PLEC: variants seen among roughly 807,000 people sequenced by gnomAD.
The protein encoded by PLEC is hemidesmosomal protein 1.
A neutral mutation model predicts 392.8 loss-of-function variants in PLEC; 216 were observed. That is an observed-to-expected ratio of 0.55 (90% CI 0.49 to 0.62). PLEC has a LOEUF of 0.62. Ranked by LOEUF, PLEC falls within the 20% of genes least tolerant of loss-of-function variation. The pLI is 0.00. For missense variants in PLEC, 6,863 were observed against 6,563.4 expected, an observed-to-expected ratio of 1.05 and a Z score of -1.58; for synonymous variants, 3,621 against 2,980.6, an observed-to-expected ratio of 1.21 and a Z score of -7.00.
chr8:143,930,599 C>A, intron 19 of PLEC, 63 bp from the exon 20 acceptor site: 1 of 1,530,730 alleles, frequency 6.5e-7, no homozygotes, highest in Non-Finnish European at 8.8e-7. Flanking sequence ...CCCCAGGCAC[C>A]CCCAGACCCC....
At position 143,921,464 on chromosome 8, in the gene PLEC, A is replaced by C; in HGVS notation, c.8357T>G (p.Ile2786Ser). The change falls in exon 32 of 32, where the codon ATC (isoleucine) becomes AGC (serine). Residue 2786 changes from isoleucine (I) to serine (S), a missense_variant. Transcript: ENST00000345136. ...CTTCTGCATGGCTTGGAAGAGAGAGATCTGCTGGCCAGTGTAGGGGTCCTT... is the reference window on the plus strand; with the variant it reads ...CTTCTGCATGGCTTGGAAGAGAGAGCTCTGCTGGCCAGTGTAGGGGTCCTT... ...GYKDPYTGQQISLFQAMQKGL... is the reference protein window; with the variant it reads ...GYKDPYTGQQSSLFQAMQKGL... 3 of 1,613,224 alleles carry C rather than the reference A, an allele frequency of 1.9e-6. No individual in the cohort carries two copies. Among genetic ancestry groups the C allele is most frequent in the Non-Finnish European group, 2.5e-6 (3 of 1,179,814 alleles).
chr8:143,927,576 A>C lies in PLEC; in HGVS notation c.3590T>G (p.Val1197Gly), dbSNP rs1205506786. 6.3e-7 allele frequency: 1 copy of C among 1,590,394 alleles called. No individual in the cohort carries two copies. Among genetic ancestry groups the C allele is most frequent in the African/African-American group, 1.3e-5 (1 of 74,648 alleles). The change falls in exon 27 of 32, where the codon GTG becomes GGG. Residue 1197 changes from valine (V) to glycine (G), a missense_variant. Coordinates refer to ENST00000345136, the MANE Select transcript of PLEC (RefSeq NM_201384.3). ...RWQAVLAQTDVRQRELEQLGR... is the reference protein window; with the variant it reads ...RWQAVLAQTDGRQRELEQLGR... ...CAGTTGCTCGAGCTCGCGCTGCCGC[A>C]CGTCGGTCTGGGCCAGCACAGCCTG...
In PLEC at chr8:143,939,410, T is replaced by C. The variant is rs1554726678; in HGVS notation, c.52A>G (p.Arg18Gly). 2 of 1,612,712 alleles carry C rather than the reference T, an allele frequency of 1.2e-6. No individual in the cohort carries two copies. The highest frequency in any genetic ancestry group is 1.1e-5 in the South Asian group (1 of 91,020). The change falls in exon 1 of 32, where the codon AGA (arginine) becomes GGA (glycine). Residue 18 changes from arginine (R) to glycine (G), a missense_variant. By Grantham distance (125) the Arg-to-Gly change is moderately radical. Coordinates refer to ENST00000345136, the MANE Select transcript of PLEC (RefSeq NM_201384.3). ...VPQPEGLGRK[R>G]TSSEDNLYLA... Reference sequence around the variant, plus strand: ...TACAGGTTGTCCTCCGAGCTGGTTCTCTTTCGGCCCAGGCCCTCGGGCTGC... The same window carrying C: ...TACAGGTTGTCCTCCGAGCTGGTTCCCTTTCGGCCCAGGCCCTCGGGCTGC...
At position 143,923,799 on chromosome 8, in the gene PLEC, G is replaced by A; in HGVS notation, c.6130C>T (p.Gln2044Ter). 1.3e-6 allele frequency: 2 copies of A among 1,579,016 alleles called. No individual in the cohort carries two copies. Among genetic ancestry groups the A allele is most frequent in the Non-Finnish European group, 1.7e-6 (2 of 1,170,602 alleles). The change falls in exon 31 of 32, where the codon CAG becomes TAG. Residue 2044 changes from glutamine (Q) to a stop codon, truncating the protein, a stop_gained. Coordinates refer to ENST00000345136, the MANE Select transcript of PLEC (RefSeq NM_201384.3). LOFTEE classifies it high-confidence loss of function. Reference protein sequence around the residue: ...RQLQLAQEAAQKRLQAEEKAH... With the variant: ...RQLQLAQEAA ...TTCTCTTCCGCCTGCAGCCGCTTCT[G>A]GGCGGCCTCCTGGGCCAGCTGCAGC...
chr8:143,949,993 G>T (rs1482209794), intron 1 of PLEC, among the ~76,000 whole-genome samples: 1 of 152,210 alleles, frequency 6.6e-6, no homozygotes, highest in Non-Finnish European at 1.5e-5. Flanking sequence ...AGCCGAGGAG[G>T]AGGGGCCACA....
At chr8:143,963,539 C>T (rs572021981) in intron 1 of PLEC, among the ~76,000 whole-genome samples, 1 of 152,174 alleles carries the variant, frequency 6.6e-6, no homozygotes, top group African/African-American at 2.4e-5. Flanking sequence ...AGTTTGGAGG[C>T]ATAAAACTTG....
upstream of PLEC, among the ~76,000 whole-genome samples, chr8:143,952,220 ACGCACG>A (rs1554737432): frequency 7.4e-4 from 103 of 139,890 alleles, no homozygotes; most frequent in East Asian, 1.8e-3. Flanking sequence ...GCGCGCACAC[ACGCACG>A]CGCACGCGCA....
chr8:143,924,720 C>G lies in PLEC; in HGVS notation c.5209G>C (p.Ala1737Pro), dbSNP rs1554698775. 1 of 1,534,496 alleles carries G rather than the reference C, an allele frequency of 6.5e-7. No homozygotes were observed. ...GCAGCCGCCTCACGCTGCAGCCGGG[C>G]CAGCTCCTCCTCCAGCAGCTGCCGC... ...QQRQLLEEEL[A>P]RLQREAAAAT... The change falls in exon 31 of 32, where the codon GCC (alanine) becomes CCC (proline). Residue 1737 changes from alanine to proline, a missense_variant. Coordinates refer to ENST00000345136, the MANE Select transcript of PLEC (RefSeq NM_201384.3).
rs782812912 is a variant in PLEC at position 143,922,956 on chromosome 8, G to A, written c.6973C>T (p.Leu2325Phe). The change falls in exon 31 of 32, where the codon CTC (leucine) becomes TTC (phenylalanine). Residue 2325 changes from leucine to phenylalanine, a missense_variant. Coordinates refer to ENST00000345136, the MANE Select transcript of PLEC (RefSeq NM_201384.3). ...KMQAVQEATR[L>F]KAEAELLQQQ... ...TGCAGCAGTTCCGCCTCAGCCTTGAGTCGCGTGGCCTCCTGCACCGCCTGC... is the reference window on the plus strand; with the variant it reads ...TGCAGCAGTTCCGCCTCAGCCTTGAATCGCGTGGCCTCCTGCACCGCCTGC... 7 of 1,609,830 alleles carry A rather than the reference G, an allele frequency of 4.3e-6. No individual in the cohort carries two copies. Among genetic ancestry groups the A allele is most frequent in the Admixed American group, 1.7e-5 (1 of 59,672 alleles).
rs782133425 is a variant in PLEC at position 143,934,452 on chromosome 8, A to G, written c.1042-7T>C. ...GGCCTGCTTGCACCGCTCCCTGTAG[A>G]CAGGGGCCACACTCAGGCCCTATAG... On this transcript the variant is annotated splice_polypyrimidine_tract_variant and splice_region_variant and intron_variant, in intron 10 of 31. Coordinates refer to ENST00000345136, the MANE Select transcript of PLEC (RefSeq NM_201384.3). 6.2e-7 allele frequency: 1 copy of G among 1,610,824 alleles called. No individual in the cohort carries two copies.
chr8:143,974,579 G>A (rs1431556489), upstream of PLEC, among the ~76,000 whole-genome samples: 1 of 152,154 alleles, frequency 6.6e-6, no homozygotes, highest in Non-Finnish European at 1.5e-5. The surrounding 1 kb of genome is among the most constrained non-coding windows in gnomAD (Gnocchi z 5.9). Context: ...CTGGCCTCCC[G>A]CAGGGGCCTC....
At chr8:143,936,114 G>C in intron 5 of PLEC, 100 bp from the exon 6 acceptor site, 1 of 1,382,416 alleles carries the variant, frequency 7.2e-7, no homozygotes, top group Non-Finnish European at 1.0e-6. Context: ...TCAGCACCCA[G>C]GGGGAGTGCA....
rs782384162 is a variant in PLEC, at chr8:143,921,911, G to A, written c.7910C>T (p.Ala2637Val). Residue 2637 changes from alanine (A) to valine (V), a missense_variant, in exon 32 of 32, where the codon GCG becomes GTG. By Grantham distance (64) the Ala-to-Val change is moderately conservative. Coordinates refer to ENST00000345136, the MANE Select transcript of PLEC (RefSeq NM_201384.3). ...PNGRDALDGP[A>V]AEAEPEHSFD... ...GCTGTGCTCCGGCTCTGCCTCTGCC[G>A]CGGGGCCATCAAGTGCATCCCGGCC... is the stretch of plus-strand genomic sequence containing the variant. 85 of 1,599,742 alleles carry A rather than the reference G, an allele frequency of 5.3e-5. No homozygotes were observed. Among genetic ancestry groups the A allele is most frequent in the African/African-American group, 9.3e-5 (7 of 74,918 alleles).
rs782071585 is a variant in PLEC at position 143,916,935 on chromosome 8, C to T, written c.12886G>A (p.Glu4296Lys). 56 of 1,612,724 alleles carry T rather than the reference C, an allele frequency of 3.5e-5. No individual in the cohort carries two copies. Among genetic ancestry groups the T allele is most frequent in the Admixed American group, 1.3e-4 (8 of 59,998 alleles). The change falls in exon 32 of 32, where the codon GAG becomes AAG. Residue 4296 changes from glutamate to lysine, a missense_variant. Physicochemically the swap from Glu to Lys is moderately conservative, Grantham distance 56. Coordinates refer to ENST00000345136, the MANE Select transcript of PLEC (RefSeq NM_201384.3). Reference protein sequence around the residue: ...TETLEKVSITEAMHRNLVDNI... With the variant: ...TETLEKVSITKAMHRNLVDNI... ...TCCACCAGGTTCCGGTGCATGGCCT[C>T]GGTGATGGACACCTTCTCCAGCGTC...
In PLEC at chr8:143,921,271, G is replaced by C; in HGVS notation, c.8550C>G (p.Thr2850=). ...NRVLADPSDD[T]KGFFDPNTHE... is the part of the protein sequence containing the mutation. ...GCGTGTTGGGGTCAAAGAAGCCCTTGGTGTCGTCGCTGGGGTCCGCCAGGA... is the reference window on the plus strand; with the variant it reads ...GCGTGTTGGGGTCAAAGAAGCCCTTCGTGTCGTCGCTGGGGTCCGCCAGGA... The change falls in exon 32 of 32, where the codon ACC becomes ACG. Residue 2850 remains threonine (T), a synonymous_variant. Transcript: ENST00000345136. 1 of 1,614,120 alleles carries C rather than the reference G, an allele frequency of 6.2e-7. No individual in the cohort carries two copies. The highest frequency in any genetic ancestry group is 8.5e-7 in the Non-Finnish European group (1 of 1,180,050).
upstream of PLEC, among the ~76,000 whole-genome samples, chr8:143,975,615 C>T (rs1255786985): frequency 2.6e-5 from 4 of 151,678 alleles, no homozygotes; most frequent in African/African-American, 9.7e-5. The surrounding 1 kb of genome is among the most constrained non-coding windows in gnomAD (Gnocchi z 9.9). Context: ...CTCCCGCGCA[C>T]TCCTCAGATA....
chr8:143,944,044 GC>G, upstream of PLEC: 1 of 1,168,012 alleles, frequency 8.6e-7, no homozygotes, highest in Non-Finnish European at 1.2e-6. Context: ...CGCGGCGGCA[GC>G]CCCACAACAG....
At chr8:143,943,309 G>A (rs559509153), upstream of PLEC, among the ~76,000 whole-genome samples, 188 of 152,358 alleles carry the variant, frequency 1.2e-3, no homozygotes, top group African/African-American at 3.8e-3. Flanking sequence ...CCCAGGAGCT[G>A]GTGACTTTGA....
chr8:143,943,111 T>G (rs570610273), upstream of PLEC, among the ~76,000 whole-genome samples: 453 of 152,248 alleles, frequency 3.0e-3, 2 homozygotes, highest in African/African-American at 0.01. Flanking sequence ...AGCCCCATCT[T>G]GACTCATCTC....
Sources: allele counts gnomAD v4.1 joint callset (sites outside exome capture counted in the v4.1 genomes callset), GRCh38; gene constraint gnomAD v4.1.1; non-coding constraint Gnocchi (gnomAD v3.1); transcripts MANE v1.5; gene names NCBI Gene and HGNC (gene_info 2026-07-23, HGNC 2026-07-21).